The following PAK5 variants were observed in gnomAD, a reference collection of about 807,000 sequenced individuals.
PAK5 encodes serine/threonine-protein kinase PAK 5.
Under a neutral mutation model 65.9 loss-of-function variants are expected in PAK5, and 16 were observed. The observed-to-expected ratio is 0.24, with a 90% CI of 0.16 to 0.37. The LOEUF (loss-of-function observed/expected upper bound fraction) is 0.37. Among genes scored for constraint, PAK5 ranks in the 10% least tolerant of loss-of-function variants. The probability of loss-of-function intolerance (pLI) is 1.00; values close to 1 mark genes in which losing one functional copy is unlikely to be tolerated. For synonymous variants in PAK5, 371 were observed against 354.9 expected (o/e 1.05, Z -0.51); for missense variants, 785 against 903.9 (o/e 0.87, Z 1.69).
chr20:9,765,154 C>T (rs569297207), intron 1 of PAK5, among the ~76,000 whole-genome samples: 21 of 152,266 alleles, frequency 1.4e-4, no homozygotes, highest in African/African-American at 5.1e-4. Flanking sequence ...TGAAGAATAG[C>T]TGCACTGGAG....
chr20:9,562,727 T>C (rs2045610114), intron 6 of PAK5, among the ~76,000 whole-genome samples, 164 bp downstream of exon 6: 1 of 152,188 alleles, frequency 6.6e-6, no homozygotes, highest in African/African-American at 2.4e-5. Flanking sequence ...GAACTATACA[T>C]GCCTGAGAGC....
intron 1 of PAK5, among the ~76,000 whole-genome samples, chr20:9,800,431 G>T (rs1600388619): frequency 6.6e-6 from 1 of 152,010 alleles, no homozygotes; most frequent in Non-Finnish European, 1.5e-5. Context: ...ATTTATTGTG[G>T]CATTTGACAT....
At chr20:9,647,727 T>G (rs1329399286) in intron 2 of PAK5, among the ~76,000 whole-genome samples, 1 of 152,180 alleles carries the variant, frequency 6.6e-6, no homozygotes, top group African/African-American at 2.4e-5. Flanking sequence ...GTTCTACCTC[T>G]CCAGTAAGTT....
chr20:9,613,629 G>A (rs185552637), intron 3 of PAK5, among the ~76,000 whole-genome samples: 16 of 152,274 alleles, frequency 1.1e-4, no homozygotes, highest in Middle Eastern at 3.4e-3. Context: ...TCTTAACAAG[G>A]CCTTCCCTCA....
At chr20:9,781,203 G>A (rs894933186) in intron 1 of PAK5, among the ~76,000 whole-genome samples, 9 of 152,096 alleles carry the variant, frequency 5.9e-5, no homozygotes, top group Admixed American at 2.0e-4. Flanking sequence ...TAGATTTTAG[G>A]AACAGAATTG....
chr20:9,753,869 G>A (rs1451922236), intron 1 of PAK5, among the ~76,000 whole-genome samples: 2 of 152,226 alleles, frequency 1.3e-5, no homozygotes, highest in Non-Finnish European at 2.9e-5. Flanking sequence ...GGATCAAGCT[G>A]AGGCTAGACT....
At chr20:9,708,056 A>G (rs1251151350) in intron 2 of PAK5, among the ~76,000 whole-genome samples, 1 of 152,162 alleles carries the variant, frequency 6.6e-6, no homozygotes, top group East Asian at 1.9e-4. Flanking sequence ...TTACAATACT[A>G]CAGTCTTTTG....
At chr20:9,647,447 T>C (rs1433835210) in intron 2 of PAK5, among the ~76,000 whole-genome samples, 2 of 152,250 alleles carry the variant, frequency 1.3e-5, no homozygotes, top group Admixed American at 1.3e-4. Flanking sequence ...TTATTTGGCC[T>C]GTATTCATAC....
rs142598647 is a variant in PAK5 at position 9,692,461 on chromosome 20, A to G, written c.-12+18825T>C. 4.0e-4 allele frequency among the ~76,000 whole-genome samples: 61 copies of G among 152,288 alleles called. 1 individual carries two copies. The highest frequency in any genetic ancestry group is 1.4e-3 in the African/African-American group (57 of 41,570). ...AAGGGTCAGCCACAATTTTATTTCA[A>G]CTGGCAGTTAGGTTATGTTTTATTC... On this transcript the variant is annotated intron_variant, in intron 2 of 9. Transcript: ENST00000353224.
chr20:9,794,313 T>C (rs1213126798), intron 1 of PAK5, among the ~76,000 whole-genome samples: 1 of 152,044 alleles, frequency 6.6e-6, no homozygotes, highest in Non-Finnish European at 1.5e-5. Flanking sequence ...CTGCACATTC[T>C]GCACATGTAG....
At chr20:9,657,604 A>G (rs990223420) in intron 2 of PAK5, among the ~76,000 whole-genome samples, 2 of 152,204 alleles carry the variant, frequency 1.3e-5, no homozygotes, top group African/African-American at 4.8e-5. Flanking sequence ...TGACTACTGG[A>G]GTATTTAAAA....
chr20:9,579,746 TG>T (rs2045945348), intron 4 of PAK5, among the ~76,000 whole-genome samples: 1 of 152,214 alleles, frequency 6.6e-6, no homozygotes, highest in Non-Finnish European at 1.5e-5. Flanking sequence ...ATGCAAACTT[TG>T]CCAGGATGTA....
At chr20:9,651,037 AAAC>A (rs1245224261) in intron 2 of PAK5, among the ~76,000 whole-genome samples, 1 of 152,212 alleles carries the variant, frequency 6.6e-6, no homozygotes, top group Non-Finnish European at 1.5e-5. Flanking sequence ...GAATTTTATC[AAAC>A]AATCTTATTG....
intron 1 of PAK5, among the ~76,000 whole-genome samples, chr20:9,748,190 T>C (rs550835819): frequency 6.6e-6 from 1 of 152,102 alleles, no homozygotes; most frequent in Admixed American, 6.5e-5. Context: ...TAAAAGAGGA[T>C]ACAAATAAAT....
chr20:9,631,732 G>T (rs2046924714), intron 3 of PAK5, among the ~76,000 whole-genome samples: 1 of 152,152 alleles, frequency 6.6e-6, no homozygotes, highest in Admixed American at 6.6e-5. Context: ...TGATATGAAG[G>T]TTCTCAACAG....
intron 4 of PAK5, among the ~76,000 whole-genome samples, chr20:9,578,736 C>T (rs1458727456): frequency 1.3e-5 from 2 of 152,086 alleles, no homozygotes; most frequent in African/African-American, 2.4e-5. Context: ...ATGAGACATG[C>T]GTATGAGTTC....
intron 3 of PAK5, among the ~76,000 whole-genome samples, chr20:9,635,960 GT>G (rs2046978515): frequency 6.6e-6 from 1 of 152,154 alleles, no homozygotes; most frequent in Non-Finnish European, 1.5e-5. Context: ...TCTGGAAACA[GT>G]TTAAACTGCT....
intron 1 of PAK5, among the ~76,000 whole-genome samples, chr20:9,732,804 C>T (rs1380911135): frequency 6.6e-6 from 1 of 152,168 alleles, no homozygotes; most frequent in Non-Finnish European, 1.5e-5. Context: ...ATAGTAAGAC[C>T]TCTGTCTGGA....
intron 7 of PAK5, among the ~76,000 whole-genome samples, chr20:9,547,358 T>C (rs536768129): frequency 4.6e-5 from 7 of 152,212 alleles, no homozygotes; most frequent in African/African-American, 1.4e-4. Context: ...GTTATAGCAG[T>C]CCTAGGAAAT....
Sources: allele counts gnomAD v4.1 joint callset (sites outside exome capture counted in the v4.1 genomes callset), GRCh38; gene constraint gnomAD v4.1.1; transcripts MANE v1.5; gene names NCBI Gene and HGNC (gene_info 2026-07-23, HGNC 2026-07-21).